The following AFP variants were observed in gnomAD, a reference collection of about 807,000 sequenced individuals.
The protein encoded by AFP is alpha-fetoprotein.
In AFP, 64 loss-of-function variants were observed where a neutral mutation model predicts 78.9. The observed-to-expected ratio is 0.81, with a 90% CI of 0.66 to 1.00. The LOEUF (loss-of-function observed/expected upper bound fraction) is 1.00, where lower values mean the gene tolerates loss of function less well. Ranked by LOEUF, AFP falls within the 50% of genes least tolerant of loss-of-function variation. The pLI, the probability that AFP is intolerant of heterozygous loss-of-function variation, is 0.00. For missense variants in AFP, 689 were observed against 703.8 expected, an observed-to-expected ratio of 0.98 and a Z score of 0.24; for synonymous variants, 254 against 243.8, an observed-to-expected ratio of 1.04 and a Z score of -0.39.
intron 12 of AFP, 103 bp downstream of exon 12, chr4:73,452,727 C>A: frequency 2.2e-6 from 2 of 924,602 alleles, no homozygotes; most frequent in South Asian, 1.4e-5. Context: ...ACTAACAGAG[C>A]GTTACTCCCA....
At chr4:73,455,131 T>A (rs536128451) in intron 13 of AFP, 105 bp from the exon 14 acceptor site, 2 of 909,830 alleles carry the variant, frequency 2.2e-6, no homozygotes, top group South Asian at 1.4e-5. Flanking sequence ...TTTAACTTAG[T>A]TAATCTACAA....
chr4:73,441,893 CATAACCCCAT>C lies in AFP; in HGVS notation c.483-402_483-393del, dbSNP rs1366351332. On this transcript the variant is annotated intron_variant, in intron 4 of 14. Transcript: ENST00000395792. ...CTCTGCTATGGCGACTATCCAGGTG[CATAACCCCAT>C]TCTGCACTGACAAGGGATAAAATGT... Among the ~76,000 whole-genome samples, 3 of 152,312 alleles carry C rather than the reference CATAACCCCAT, an allele frequency of 2.0e-5. No homozygotes were observed. The East Asian group carries it at 5.8e-4, about 29-fold the overall frequency.
rs563982907 is a variant in AFP, at chr4:73,447,919, G to T, written c.1058+243G>T. On this transcript the variant is annotated intron_variant, in intron 8 of 14. Coordinates refer to ENST00000395792, the MANE Select transcript of AFP (RefSeq NM_001134.3). ...CATTAACTGCTTTGCTTATGAAGCT[G>T]AATTTTATTTCACATCAATTTCTCT... 2.0e-4 allele frequency among the ~76,000 whole-genome samples: 30 copies of T among 152,184 alleles called. No individual in the cohort carries two copies. In the South Asian group the frequency reaches 3.7e-3, roughly 19 times the overall value.
intron 6 of AFP, among the ~76,000 whole-genome samples, chr4:73,444,078 T>G (rs977080193): frequency 2.0e-5 from 3 of 152,180 alleles, no homozygotes; most frequent in Non-Finnish European, 2.9e-5. Flanking sequence ...TTTATTTGAT[T>G]GCTGTTTGGT....
At chr4:73,443,654 T>C (rs534439224) in intron 6 of AFP, among the ~76,000 whole-genome samples, 2 of 152,296 alleles carry the variant, frequency 1.3e-5, no homozygotes, top group East Asian at 3.9e-4. Context: ...AAAGCCTAGC[T>C]GAGATAATAC....
At chr4:73,450,272 G>A (rs942503844) in intron 10 of AFP, 139 bp downstream of exon 10, 5 of 765,666 alleles carry the variant, frequency 6.5e-6, no homozygotes, top group Non-Finnish European at 1.1e-5. Context: ...TCCCCATACT[G>A]TGCAAATTTT....
intron 10 of AFP, 190 bp from the exon 11 acceptor site, chr4:73,450,425 T>C (rs1162504029): frequency 3.2e-5 from 24 of 743,858 alleles, no homozygotes; most frequent in Non-Finnish European, 2.2e-6. Context: ...TATGCTTCTA[T>C]AATAGGAGTA....
Position 73,438,259 on chromosome 4 carries a change from G to C in AFP, c.223G>C (p.Glu75Gln), listed in dbSNP as rs1285162474. Residue 75 changes from glutamate to glutamine, a missense_variant, in exon 3 of 15, where the codon GAG becomes CAG. Physicochemically the swap from Glu to Gln is conservative, Grantham distance 29. Transcript: ENST00000395792. ...GGTGAAAGATGCATTGACTGCAATT[G>C]AGAAACCCACTGGAGATGAACAGTC... is the stretch of plus-strand genomic sequence containing the variant. ...KMVKDALTAI[E>Q]KPTGDEQSSG... 3.1e-6 allele frequency: 5 copies of C among 1,613,270 alleles called. No individual in the cohort carries two copies. The highest frequency in any genetic ancestry group is 4.2e-6 in the Non-Finnish European group (5 of 1,179,534).
intron 7 of AFP, 127 bp from the exon 8 acceptor site, chr4:73,447,334 GC>G: frequency 5.5e-6 from 3 of 548,486 alleles, no homozygotes; most frequent in South Asian, 3.6e-5. Context: ...TTCTTTCCTG[GC>G]CTTTTTTCCT....
chr4:73,447,527 C>T lies in AFP; in HGVS notation c.909C>T (p.Cys303=), dbSNP rs1719866390. 2 of 1,612,556 alleles carry T rather than the reference C, an allele frequency of 1.2e-6. No homozygotes were observed. The highest frequency in any genetic ancestry group is 1.7e-6 in the Non-Finnish European group (2 of 1,179,556). ...TGTCAAACAAAATAACAGAATGCTG[C>T]AAACTGACCACGCTGGAACGTGGTC... ...DTLSNKITEC[C]KLTTLERGQC... is the part of the protein sequence containing the mutation. The change falls in exon 8 of 15, where the codon TGC becomes TGT. Residue 303 remains cysteine (C), a synonymous_variant. Transcript: ENST00000395792.
intron 13 of AFP, among the ~76,000 whole-genome samples, chr4:73,454,435 C>A (rs1720101698): frequency 6.6e-6 from 1 of 151,748 alleles, no homozygotes; most frequent in Non-Finnish European, 1.5e-5. Context: ...AAAAAATTAC[C>A]TTTTTTCAGC....
intron 11 of AFP, 56 bp from the exon 12 acceptor site, chr4:73,452,345 C>T: frequency 6.8e-7 from 1 of 1,474,008 alleles, no homozygotes; most frequent in Non-Finnish European, 9.5e-7. Context: ...AAAACTGAAC[C>T]AACTTTGTGA....
intron 9 of AFP, 150 bp from the exon 10 acceptor site, chr4:73,449,886 C>G: frequency 1.6e-6 from 1 of 615,686 alleles, no homozygotes; most frequent in South Asian, 2.3e-5. Context: ...AATCCATTTT[C>G]TGTAATTATC....
In AFP at chr4:73,447,589, A is replaced by T; in HGVS notation, c.971A>T (p.Glu324Val). The change falls in exon 8 of 15, where the codon GAA (glutamate) becomes GTA (valine). Residue 324 changes from glutamate to valine, a missense_variant. Transcript: ENST00000395792. ...IIHAENDEKP[E>V]GLSPNLNRFL... ...CATGCAGAAAATGATGAAAAACCTGAAGGTCTATCTCCAAATCTAAACAGG... is the reference window on the plus strand; with the variant it reads ...CATGCAGAAAATGATGAAAAACCTGTAGGTCTATCTCCAAATCTAAACAGG... 6.2e-7 allele frequency: 1 copy of T among 1,612,376 alleles called. No homozygotes were observed. Among genetic ancestry groups the T allele is most frequent in the Non-Finnish European group, 8.5e-7 (1 of 1,179,698 alleles).
intron 6 of AFP, 43 bp from the exon 7 acceptor site, chr4:73,444,950 A>T: frequency 6.6e-7 from 1 of 1,522,790 alleles, no homozygotes; most frequent in Non-Finnish European, 9.0e-7. Context: ...TTATTTTGAC[A>T]GATAACCAAG....
chr4:73,446,230 T>C (rs1179371627), intron 7 of AFP, among the ~76,000 whole-genome samples: 2 of 152,208 alleles, frequency 1.3e-5, no homozygotes, highest in Non-Finnish European at 2.9e-5. Flanking sequence ...AAATATGGCA[T>C]ACTAGGAAAA....
At chr4:73,436,481 T>C (rs1719509347) in intron 1 of AFP, 134 bp downstream of exon 1, 3 of 576,778 alleles carry the variant, frequency 5.2e-6, no homozygotes, top group Non-Finnish European at 9.1e-6. Flanking sequence ...AACTGATGGA[T>C]ATATTTAAAT....
At chr4:73,437,098 CAAT>C in intron 1 of AFP, 59 bp from the exon 2 acceptor site, 1 of 1,236,236 alleles carries the variant, frequency 8.1e-7, no homozygotes. Flanking sequence ...TCATATGTAA[CAAT>C]GATTACTTTC....
intron 10 of AFP, 45 bp from the exon 11 acceptor site, chr4:73,450,570 T>C: frequency 1.2e-6 from 2 of 1,613,830 alleles, no homozygotes; most frequent in Non-Finnish European, 1.7e-6. Context: ...GGCTAAAAAC[T>C]CATGAATGAC....
Sources: gnomAD v4.1 joint callset for allele counts (sites outside exome capture counted in the v4.1 genomes callset) on GRCh38, gnomAD v4.1.1 for gene constraint, MANE v1.5 for transcripts, NCBI Gene and HGNC (gene_info 2026-07-23, HGNC 2026-07-21) for gene names.